The following LATS2 variants were observed in gnomAD, a reference collection of about 807,000 sequenced individuals.
LATS2 encodes the protein large tumor suppressor kinase 2.
A neutral mutation model predicts 76.0 loss-of-function variants in LATS2; 24 were observed. The observed-to-expected ratio is 0.32, with a 90% CI of 0.23 to 0.44. The LOEUF is 0.44. LATS2 is among the 20% of genes least tolerant of loss of function. LATS2 has a pLI of 1.00. For missense variants in LATS2, 1,286 were observed against 1,481.2 expected (o/e 0.87, Z 2.16); for synonymous variants, 692 against 635.4 (o/e 1.09, Z -1.34).
intron 2 of LATS2, among the ~76,000 whole-genome samples, chr13:21,010,645 T>C (rs1423075785): frequency 6.6e-6 from 1 of 152,226 alleles, no homozygotes; most frequent in Admixed American, 6.5e-5. Flanking sequence ...TCCCTCAAGA[T>C]GAATCCTGAG....
chr13:21,054,056 T>TA (rs1279521400), intron 1 of LATS2, among the ~76,000 whole-genome samples: 4 of 152,242 alleles, frequency 2.6e-5, no homozygotes, highest in African/African-American at 9.6e-5. Flanking sequence ...GTTAAAAGGA[T>TA]AAATATGTAT....
At chr13:21,020,669 G>C (rs1278767681) in intron 2 of LATS2, among the ~76,000 whole-genome samples, 1 of 152,186 alleles carries the variant, frequency 6.6e-6, no homozygotes, top group Non-Finnish European at 1.5e-5. Flanking sequence ...GGCCAGGTCT[G>C]CCTCTCTCCA....
intron 2 of LATS2, among the ~76,000 whole-genome samples, chr13:21,012,757 A>C (rs1037919035): frequency 5.3e-5 from 8 of 151,198 alleles, no homozygotes; most frequent in African/African-American, 2.0e-4. Flanking sequence ...GAGCTGTGCG[A>C]GAAGCTGTGG....
chr13:21,056,972 G>C (rs1015674855), intron 1 of LATS2, among the ~76,000 whole-genome samples: 1 of 152,178 alleles, frequency 6.6e-6, no homozygotes, highest in Non-Finnish European at 1.5e-5. Context: ...TGTTGGGGAG[G>C]GTGCAGGTGT....
At chr13:21,041,932 C>T (rs9509498) in intron 2 of LATS2, among the ~76,000 whole-genome samples, 104,821 of 151,916 alleles carry the variant, frequency 0.69, 37,981 homozygotes, top group Non-Finnish European at 0.82. Flanking sequence ...CCCCCTATAA[C>T]CCACTGCAAC....
chr13:21,000,816 A>G (rs1196252493), intron 2 of LATS2, among the ~76,000 whole-genome samples: 1 of 152,252 alleles, frequency 6.6e-6, no homozygotes, highest in Non-Finnish European at 1.5e-5. Context: ...TCAATAGTGT[A>G]AACAACATGA....
intron 1 of LATS2, among the ~76,000 whole-genome samples, chr13:21,056,465 T>C (rs1466298222): frequency 6.6e-6 from 1 of 152,206 alleles, no homozygotes; most frequent in Non-Finnish European, 1.5e-5. Flanking sequence ...ATAAAAAAAT[T>C]GAGCTACAGA....
chr13:20,999,922 A>G (rs1870968093), intron 2 of LATS2, among the ~76,000 whole-genome samples: 1 of 151,126 alleles, frequency 6.6e-6, no homozygotes, highest in African/African-American at 2.4e-5. Flanking sequence ...CCCAGCTACT[A>G]GGGAGGCTGA....
At chr13:21,030,148 C>T (rs1037330560) in intron 2 of LATS2, among the ~76,000 whole-genome samples, 2 of 151,538 alleles carry the variant, frequency 1.3e-5, no homozygotes, top group African/African-American at 2.4e-5. Context: ...AAAAGAAATC[C>T]ACCCCCATGG....
intron 2 of LATS2, among the ~76,000 whole-genome samples, chr13:21,043,112 C>A (rs1872943732): frequency 6.6e-6 from 1 of 152,084 alleles, no homozygotes; most frequent in Non-Finnish European, 1.5e-5. Flanking sequence ...ACGAAGCAGG[C>A]AGATCACTTG....
chr13:21,059,783 A>C (rs1873567357), intron 1 of LATS2, among the ~76,000 whole-genome samples: 1 of 152,138 alleles, frequency 6.6e-6, no homozygotes, highest in Admixed American at 6.6e-5. Flanking sequence ...CCTGGCCAAC[A>C]CGGCGAAACC....
rs376637350 is a variant in LATS2, at chr13:20,975,200, G to A, written c.2937C>T (p.Ser979=). 2.5e-6 allele frequency: 4 copies of A among 1,614,086 alleles called. No homozygotes were observed. Among genetic ancestry groups the A allele is most frequent in the Non-Finnish European group, 2.5e-6 (3 of 1,180,044 alleles). Residue 979 remains serine, a synonymous_variant, in exon 8 of 8, where the codon TCC becomes TCT. Transcript: ENST00000382592. ...GGGCTGGCTGCTTCCGGATGTCACT[G>A]GAGAAGTCAATGGCGCTGAAGAAGG... The part of the protein sequence containing the change: ...AHPFFSAIDF[S]SDIRKQPAPY...
Position 20,988,785 on chromosome 13 carries a change from C to T in LATS2, c.995G>A (p.Gly332Asp), listed in dbSNP as rs1479790133. Reference protein sequence around the residue: ...GPAAHQLHVLGSRSQVFASDS... With the variant: ...GPAAHQLHVLDSRSQVFASDS... ...GCTGGCGAACACCTGGCTGCGGGAGCCCAGCACATGCAGCTGGTGGGCCGC... is the reference window on the plus strand; with the variant it reads ...GCTGGCGAACACCTGGCTGCGGGAGTCCAGCACATGCAGCTGGTGGGCCGC... The change falls in exon 4 of 8, where the codon GGC (glycine) becomes GAC (aspartate). Residue 332 changes from glycine to aspartate, a missense_variant. Transcript: ENST00000382592. The T allele has an allele frequency of 2.5e-6, 4 of 1,592,480 alleles. No homozygotes were observed. Among genetic ancestry groups the T allele is most frequent in the Non-Finnish European group, 2.6e-6 (3 of 1,175,636 alleles).
At position 21,007,575 on chromosome 13, in the gene LATS2, A is replaced by AG. The variant is rs1342508310; in HGVS notation, c.343-16172_343-16171insC. Among the ~76,000 whole-genome samples the AG allele has an allele frequency of 8.5e-4, 17 of 20,066 alleles. 3 individuals are homozygous for AG. The highest frequency in any genetic ancestry group is 6.0e-3 in the African/African-American group (12 of 1,986). 13.2% of individuals were successfully genotyped at this position (20,066 alleles called of 152,430 possible). A position where few individuals can be genotyped will look rare whatever the true frequency, so the allele number is the denominator to read the frequency against. On this transcript the variant is annotated intron_variant, in intron 2 of 7. Coordinates refer to ENST00000382592, the MANE Select transcript of LATS2 (RefSeq NM_014572.3). ...TATATATATATATATATATATATAT[A>AG]TATATATATATAGTATATATATATA...
In LATS2 at chr13:20,988,074, T is replaced by A; in HGVS notation, c.1706A>T (p.Asp569Val). Residue 569 changes from aspartate (D) to valine (V), a missense_variant, in exon 4 of 8, where the codon GAT becomes GTT. Coordinates refer to ENST00000382592, the MANE Select transcript of LATS2 (RefSeq NM_014572.3). ...GGGAGAGGTCTGAATCTGCTTTTTA[T>A]CCTTTCCGCCTTTGTCCCCCTTGGC... ...KSAKGDKGGKDKKQIQTSPVP... is the reference protein window; with the variant it reads ...KSAKGDKGGKVKKQIQTSPVP... The A allele has an allele frequency of 2.5e-6, 4 of 1,614,270 alleles. No homozygotes were observed. Among genetic ancestry groups the A allele is most frequent in the South Asian group, 2.2e-5 (2 of 91,090 alleles).
chr13:21,033,585 C>A (rs1872602318), intron 2 of LATS2, among the ~76,000 whole-genome samples: 1 of 151,166 alleles, frequency 6.6e-6, no homozygotes, highest in Non-Finnish European at 1.5e-5. Context: ...GAGAAGGTGA[C>A]AGACACACAC....
In LATS2 at chr13:20,983,506, A is replaced by G; in HGVS notation, c.2200T>C (p.Ser734Pro). ...TACAGGCTGTCTTTGTCTTGGAAGG[A>G]GTAGTAGAGTTTGACCACCCACTCA... ...DNEWVVKLYY[S>P]FQDKDSLYFV... The change falls in exon 5 of 8, where the codon TCC becomes CCC. Residue 734 changes from serine (S) to proline (P), a missense_variant. Ser to Pro is a moderately conservative substitution (Grantham distance 74). Transcript: ENST00000382592. 6.2e-7 allele frequency: 1 copy of G among 1,614,090 alleles called. No homozygotes were observed. The highest frequency in any genetic ancestry group is 8.5e-7 in the Non-Finnish European group (1 of 1,180,016).
chr13:21,031,668 G>A (rs1330657514), intron 2 of LATS2, among the ~76,000 whole-genome samples: 1 of 152,134 alleles, frequency 6.6e-6, no homozygotes, highest in African/African-American at 2.4e-5. Context: ...AGACCAGCCT[G>A]GGCAAAATAG....
At chr13:20,999,070 G>C (rs556120924) in intron 2 of LATS2, among the ~76,000 whole-genome samples, 167 of 152,304 alleles carry the variant, frequency 1.1e-3, no homozygotes, top group African/African-American at 3.8e-3. Context: ...GCGAGGCAGG[G>C]GCCCCGGTGA....
Sources: allele counts gnomAD v4.1 joint callset (sites outside exome capture counted in the v4.1 genomes callset), GRCh38; gene constraint gnomAD v4.1.1; transcripts MANE v1.5; gene names NCBI Gene and HGNC (gene_info 2026-07-23, HGNC 2026-07-21).